ASTN2: variants seen among roughly 807,000 people sequenced by gnomAD.
ASTN2 encodes the protein astrotactin 2.
In ASTN2, 54 loss-of-function variants were observed where a neutral mutation model predicts 139.8. The ratio of observed to expected loss-of-function variants is 0.39; its 90% CI spans 0.31 to 0.48. The LOEUF is 0.48. ASTN2 is among the 20% of genes least tolerant of loss of function. The pLI is 0.95. For missense variants in ASTN2, 1,565 were observed against 1,725.1 expected (o/e 0.91, Z 1.64); for synonymous variants, 756 against 719.5 (o/e 1.05, Z -0.81).
chr9:117,105,823 T>C (rs1013142249), intron 4 of ASTN2, among the ~76,000 whole-genome samples: 3 of 152,174 alleles, frequency 2.0e-5, no homozygotes, highest in East Asian at 1.9e-4. Context: ...TCACAGATAT[T>C]GCATAACAGA....
At chr9:116,439,389 AC>A (rs1847770905) in intron 22 of ASTN2, among the ~76,000 whole-genome samples, 1 of 139,854 alleles carries the variant, frequency 7.2e-6, no homozygotes, top group Non-Finnish European at 1.5e-5. Context: ...TTTAGTAGAG[AC>A]GGGGTTTCAC....
chr9:117,290,583 G>T (rs1834563127), intron 2 of ASTN2, among the ~76,000 whole-genome samples: 1 of 152,160 alleles, frequency 6.6e-6, no homozygotes, highest in Non-Finnish European at 1.5e-5. Flanking sequence ...AGAGCACAAT[G>T]AGATAATTTC....
At chr9:116,504,502 T>A (rs1850022425) in intron 19 of ASTN2, among the ~76,000 whole-genome samples, 1 of 152,208 alleles carries the variant, frequency 6.6e-6, no homozygotes. Context: ...CTCTTAATCT[T>A]TTCTGATACT....
At chr9:116,991,188 A>G (rs937764512) in intron 7 of ASTN2, among the ~76,000 whole-genome samples, 6 of 152,146 alleles carry the variant, frequency 3.9e-5, no homozygotes, top group African/African-American at 1.2e-4. Flanking sequence ...ACAGAAACAC[A>G]TACTCCTCCT....
rs17395718 is a variant in ASTN2 at position 116,926,377 on chromosome 9, T to C, written c.1889+48831A>G. On this transcript the variant is annotated intron_variant, in intron 10 of 22. Coordinates refer to ENST00000313400, the MANE Select transcript of ASTN2 (RefSeq NM_001365068.1). Reference sequence around the variant, plus strand: ...TTTCTTTTTGGTGCATAGATCTCTTTGGTGCTATATCTTCTATAGCCTTGC... The same window carrying C: ...TTTCTTTTTGGTGCATAGATCTCTTCGGTGCTATATCTTCTATAGCCTTGC... Among the ~76,000 whole-genome samples the C allele has an allele frequency of 5.8e-3, 886 of 152,354 alleles. 2 individuals are homozygous for C. Among genetic ancestry groups the C allele is most frequent in the Non-Finnish European group, 9.3e-3 (635 of 68,032 alleles).
chr9:117,097,764 G>A (rs1450689803), intron 4 of ASTN2, among the ~76,000 whole-genome samples: 2 of 152,276 alleles, frequency 1.3e-5, no homozygotes, highest in Middle Eastern at 3.4e-3. Flanking sequence ...TTCAATGCAC[G>A]AAAGGATTTA....
intron 10 of ASTN2, among the ~76,000 whole-genome samples, chr9:116,880,848 A>G (rs760048555): frequency 6.6e-6 from 1 of 152,196 alleles, no homozygotes; most frequent in Non-Finnish European, 1.5e-5. Flanking sequence ...GTGCTGAGAC[A>G]TGACCCCCGC....
At chr9:116,866,260 G>A (rs181208963) in intron 10 of ASTN2, among the ~76,000 whole-genome samples, 5 of 152,296 alleles carry the variant, frequency 3.3e-5, no homozygotes, top group African/African-American at 7.2e-5. Context: ...AGGCTTAGAC[G>A]CAGTCTTCAC....
At chr9:116,705,736 T>TA (rs1330432513) in intron 16 of ASTN2, among the ~76,000 whole-genome samples, 1 of 151,998 alleles carries the variant, frequency 6.6e-6, no homozygotes, top group Non-Finnish European at 1.5e-5. Flanking sequence ...AAACAAATAA[T>TA]AAAAAATACA....
chr9:116,586,603 G>A lies in ASTN2; in HGVS notation c.3355+31721C>T, dbSNP rs577160580. On this transcript the variant is annotated intron_variant, in intron 19 of 22. Transcript: ENST00000313400. ...GGAGCTTAACATTGAGTACCCATGG[G>A]CATAAAGATAGCAACAATAGACACT... 1.1e-3 allele frequency among the ~76,000 whole-genome samples: 166 copies of A among 152,116 alleles called. 2 individuals are homozygous for A. Among genetic ancestry groups the A allele is most frequent in the South Asian group, 3.5e-3 (17 of 4,812 alleles).
chr9:116,487,535 T>G (rs767618025), intron 19 of ASTN2, 35 bp from the exon 20 acceptor site: 2 of 1,605,732 alleles, frequency 1.2e-6, no homozygotes, highest in South Asian at 2.2e-5. Context: ...GCTCCCCAGC[T>G]CAGGCCATAG....
chr9:116,915,320 T>C (rs1394486038), intron 10 of ASTN2, among the ~76,000 whole-genome samples: 3 of 152,188 alleles, frequency 2.0e-5, no homozygotes, highest in African/African-American at 7.2e-5. Context: ...GGTCTCAAAG[T>C]TGACTTTTCA....
At chr9:116,628,017 C>T (rs1354676489) in intron 17 of ASTN2, among the ~76,000 whole-genome samples, 1 of 152,108 alleles carries the variant, frequency 6.6e-6, no homozygotes, top group African/African-American at 2.4e-5. Flanking sequence ...TGGCTTAAAC[C>T]AGGAAATCTA....
chr9:116,964,405 A>G (rs191413765), intron 10 of ASTN2, among the ~76,000 whole-genome samples: 1 of 152,162 alleles, frequency 6.6e-6, no homozygotes, highest in African/African-American at 2.4e-5. Context: ...CTTGGTGATC[A>G]CTGTCCCTGA....
chr9:117,289,641 T>C (rs1173245550), intron 2 of ASTN2, among the ~76,000 whole-genome samples: 1 of 152,138 alleles, frequency 6.6e-6, no homozygotes, highest in African/African-American at 2.4e-5. Flanking sequence ...AAGAAGAGCA[T>C]TCACACCCCT....
At chr9:117,239,954 G>A (rs1042549540) in intron 2 of ASTN2, among the ~76,000 whole-genome samples, 2 of 152,286 alleles carry the variant, frequency 1.3e-5, no homozygotes, top group African/African-American at 4.8e-5. Flanking sequence ...CATTCCAGAT[G>A]TTCCTTGACC....
At chr9:117,266,235 C>T (rs1183993218) in intron 2 of ASTN2, among the ~76,000 whole-genome samples, 1 of 152,126 alleles carries the variant, frequency 6.6e-6, no homozygotes. Flanking sequence ...ATCTATAACT[C>T]CCTCCCTCCC....
Position 117,329,162 on chromosome 9 carries a change from C to T in ASTN2, c.443-37649G>A, listed in dbSNP as rs141134310. Reference sequence around the variant, plus strand: ...CCTTCTTCCAGGCCAAGCAGGTAACCTACTGCACTTCCAAGTTCTTTTTTT... The same window carrying T: ...CCTTCTTCCAGGCCAAGCAGGTAACTTACTGCACTTCCAAGTTCTTTTTTT... On this transcript the variant is annotated intron_variant, in intron 1 of 22. Coordinates refer to ENST00000313400, the MANE Select transcript of ASTN2 (RefSeq NM_001365068.1). Among the ~76,000 whole-genome samples, 358 of 148,580 alleles carry T rather than the reference C, an allele frequency of 2.4e-3. 1 individual carries two copies. The highest frequency in any genetic ancestry group is 8.2e-3 in the African/African-American group (332 of 40,446).
intron 5 of ASTN2, among the ~76,000 whole-genome samples, chr9:117,084,310 A>C (rs1828505991): frequency 6.6e-6 from 1 of 152,176 alleles, no homozygotes; most frequent in Admixed American, 6.5e-5. Flanking sequence ...AAGCCTGTAT[A>C]AACTACCAGA....
Sources: allele counts gnomAD v4.1 joint callset (sites outside exome capture counted in the v4.1 genomes callset), GRCh38; gene constraint gnomAD v4.1.1; transcripts MANE v1.5; gene names NCBI Gene and HGNC (gene_info 2026-07-23, HGNC 2026-07-21).